CACNG2: variants seen among roughly 807,000 people sequenced by gnomAD.
CACNG2 encodes voltage-dependent calcium channel gamma-2 subunit.
In CACNG2, 3 loss-of-function variants were observed where a neutral mutation model predicts 25.9. The ratio of observed to expected loss-of-function variants is 0.12; its 90% CI spans 0.05 to 0.30. CACNG2 has a LOEUF of 0.30. Ranked by LOEUF, CACNG2 falls within the 10% of genes least tolerant of loss-of-function variation. The pLI is 1.00. For synonymous variants in CACNG2, 167 were observed against 173.3 expected (o/e 0.96, Z 0.29); for missense variants, 341 against 432.5 (o/e 0.79, Z 1.88).
chr22:36,614,943 C>T (rs2283987), intron 1 of CACNG2, among the ~76,000 whole-genome samples: 18,900 of 152,174 alleles, frequency 0.12, 1,346 homozygotes, highest in East Asian at 0.23. Context: ...TCCAAGCTTC[C>T]CTTGTCCTTG....
At chr22:36,639,865 G>C (rs1936416605) in intron 1 of CACNG2, among the ~76,000 whole-genome samples, 1 of 152,150 alleles carries the variant, frequency 6.6e-6, no homozygotes, top group Non-Finnish European at 1.5e-5. Context: ...CTGAGGCCCT[G>C]TCATCTGTCT....
Position 36,642,614 on chromosome 22 carries a change from G to A in CACNG2, c.212-55066C>T, listed in dbSNP as rs532266222. Among the ~76,000 whole-genome samples, 11 of 152,278 alleles carry A rather than the reference G, an allele frequency of 7.2e-5. No individual in the cohort carries two copies. The South Asian group carries it at 2.1e-3, about 29-fold the overall frequency. Reference sequence around the variant, plus strand: ...GAAGGATCTGCACCACTGAGATTTCGAGATTGGTTATTTTGATCATGAGGA... The same window carrying A: ...GAAGGATCTGCACCACTGAGATTTCAAGATTGGTTATTTTGATCATGAGGA... On this transcript the variant is annotated intron_variant, in intron 1 of 3. Transcript: ENST00000300105.
chr22:36,639,314 A>G (rs1460770160), intron 1 of CACNG2, among the ~76,000 whole-genome samples: 5 of 152,242 alleles, frequency 3.3e-5, no homozygotes, highest in Non-Finnish European at 7.3e-5. Context: ...AGGGGCATAA[A>G]GGGAAGTTAG....
intron 2 of CACNG2, among the ~76,000 whole-genome samples, chr22:36,571,255 G>A (rs1371555412): frequency 2.0e-5 from 3 of 151,048 alleles, no homozygotes; most frequent in Middle Eastern, 3.2e-3. Flanking sequence ...TCAGGAGTTC[G>A]AGACCAACCT....
At chr22:36,581,153 G>A (rs887150560) in intron 2 of CACNG2, among the ~76,000 whole-genome samples, 1 of 152,170 alleles carries the variant, frequency 6.6e-6, no homozygotes, top group Admixed American at 6.5e-5. Flanking sequence ...GGCCCACAGC[G>A]CTGGTTGGGA....
intron 1 of CACNG2, among the ~76,000 whole-genome samples, chr22:36,592,998 C>T (rs1196103042): frequency 6.6e-6 from 1 of 152,156 alleles, no homozygotes; most frequent in African/African-American, 2.4e-5. Flanking sequence ...CTTCTCTTGC[C>T]CCCATCCTTG....
intron 1 of CACNG2, among the ~76,000 whole-genome samples, chr22:36,658,836 T>C (rs1440214891): frequency 6.6e-6 from 1 of 151,964 alleles, no homozygotes; most frequent in African/African-American, 2.4e-5. Context: ...GGGAAGGGAC[T>C]CCTTAGGTTG....
intron 3 of CACNG2, among the ~76,000 whole-genome samples, chr22:36,565,479 G>C (rs1019319839): frequency 5.3e-5 from 8 of 151,198 alleles, no homozygotes; most frequent in Non-Finnish European, 1.0e-4. Flanking sequence ...GATGTTGGTG[G>C]TTCCTTTTTT....
At chr22:36,679,415 C>T (rs1459572080) in intron 1 of CACNG2, among the ~76,000 whole-genome samples, 2 of 152,036 alleles carry the variant, frequency 1.3e-5, no homozygotes, top group East Asian at 1.9e-4. Flanking sequence ...GGAGATGGCT[C>T]TCTGAGGGCT....
At chr22:36,688,494 T>A (rs1411300574) in intron 1 of CACNG2, among the ~76,000 whole-genome samples, 1 of 145,828 alleles carries the variant, frequency 6.9e-6, no homozygotes, top group Admixed American at 7.0e-5. Context: ...GAGCCATGAT[T>A]GCACCACTGC....
At chr22:36,646,912 T>C (rs1422940581) in intron 1 of CACNG2, among the ~76,000 whole-genome samples, 1 of 152,058 alleles carries the variant, frequency 6.6e-6, no homozygotes, top group Non-Finnish European at 1.5e-5. Context: ...TTACTTTGTA[T>C]TTTCTTATAG....
At chr22:36,702,228 A>C (rs1937418856) in intron 1 of CACNG2, 138 bp downstream of exon 1, 2 of 657,034 alleles carry the variant, frequency 3.0e-6, no homozygotes, top group Non-Finnish European at 5.4e-6. Flanking sequence ...TAACCCAACC[A>C]ACCTTGATTG....
intron 1 of CACNG2, among the ~76,000 whole-genome samples, chr22:36,672,805 T>A (rs771447342): frequency 1.3e-5 from 2 of 152,194 alleles, no homozygotes; most frequent in African/African-American, 2.4e-5. Context: ...GCCAGCTGAT[T>A]TGTGCATCCC....
At position 36,647,964 on chromosome 22, in the gene CACNG2, C is replaced by T. The variant is rs141483548; in HGVS notation, c.211+54402G>A. On this transcript the variant is annotated intron_variant, in intron 1 of 3. Transcript: ENST00000300105. ...TGCTTTCTCTCTACTCTTTCCTCAG[C>T]GCTTAGGCTCCTCAGACATGAAGTA... Among the ~76,000 whole-genome samples, 187 of 152,330 alleles carry T rather than the reference C, an allele frequency of 1.2e-3. 1 individual carries two copies. The highest frequency in any genetic ancestry group is 4.3e-3 in the African/African-American group (178 of 41,570).
In CACNG2 at chr22:36,605,733, G is replaced by A. The variant is rs553216254; in HGVS notation, c.212-18185C>T. On this transcript the variant is annotated intron_variant, in intron 1 of 3. Transcript: ENST00000300105. ...GGTAGGTGTGATTATGTTTTGCTGG[G>A]CCCCACGGTCGGGGCACAGATAGAT... 1.1e-4 allele frequency among the ~76,000 whole-genome samples: 17 copies of A among 152,286 alleles called. No individual in the cohort carries two copies. In the South Asian group the frequency reaches 3.1e-3, roughly 28 times the overall value.
At chr22:36,581,239 T>C (rs1384077211) in intron 2 of CACNG2, among the ~76,000 whole-genome samples, 1 of 152,206 alleles carries the variant, frequency 6.6e-6, no homozygotes, top group Non-Finnish European at 1.5e-5. Flanking sequence ...CATGGCTTTA[T>C]GGAGGCCGGG....
intron 2 of CACNG2, among the ~76,000 whole-genome samples, chr22:36,580,575 G>T (rs1935398517): frequency 6.6e-6 from 1 of 152,104 alleles, no homozygotes; most frequent in African/African-American, 2.4e-5. Context: ...ACACCCCCTG[G>T]AGGGAGTACG....
chr22:36,703,428 G>C lies in CACNG2; in HGVS notation c.-852C>G, dbSNP rs1402617507. On this transcript the variant is annotated 5_prime_UTR_variant, in exon 1 of 4. Coordinates refer to ENST00000300105, the MANE Select transcript of CACNG2 (RefSeq NM_006078.5). ...CCCTATCTGCAAAGCTCCTGGAAAC[G>C]AGGGAGCCGGCGTCTTGCTGCAGGG... 1 of 152,782 alleles carries C rather than the reference G, an allele frequency of 6.5e-6. No individual in the cohort carries two copies. Among genetic ancestry groups the C allele is most frequent in the Non-Finnish European group, 1.5e-5 (1 of 68,114 alleles). 9.5% of individuals were successfully genotyped at this position (152,782 alleles called of 1,614,324 possible). A position where few individuals can be genotyped will look rare whatever the true frequency, so the allele number is the denominator to read the frequency against.
chr22:36,672,134 C>T (rs953346550), intron 1 of CACNG2, among the ~76,000 whole-genome samples: 6 of 151,872 alleles, frequency 4.0e-5, no homozygotes, highest in African/African-American at 1.5e-4. Context: ...CAGGAAGGGG[C>T]CCTGGTGGGG....
Sources: allele counts gnomAD v4.1 joint callset (sites outside exome capture counted in the v4.1 genomes callset), GRCh38; gene constraint gnomAD v4.1.1; transcripts MANE v1.5; gene names NCBI Gene and HGNC (gene_info 2026-07-23, HGNC 2026-07-21).